Variants in MTRR observed in about 807,000 individuals in gnomAD.
The protein encoded by MTRR is 5-methyltetrahydrofolate-homocysteine methyltransferase reductase.
MTRR carries 63 observed loss-of-function variants against 79.2 expected under a neutral mutation model. That is an observed-to-expected ratio of 0.80 (90% CI 0.65 to 0.98). MTRR has a LOEUF of 0.98. MTRR is among the 50% of genes least tolerant of loss of function. MTRR has a pLI of 0.00. For synonymous variants in MTRR, 355 were observed against 313.3 expected (o/e 1.13, Z -1.41); for missense variants, 895 against 839.6 (o/e 1.07, Z -0.82).
upstream of MTRR, chr5:7,867,445 C>T: frequency 1.2e-6 from 2 of 1,614,182 alleles, no homozygotes. Context: ...TGCGAACTTC[C>T]ATGCCACCTT....
At chr5:7,890,669 C>G (rs1471913401) in intron 9 of MTRR, among the ~76,000 whole-genome samples, 1 of 152,094 alleles carries the variant, frequency 6.6e-6, no homozygotes, top group African/African-American at 2.4e-5. Context: ...GTTTAAAACT[C>G]TACGCCATTA....
chr5:7,895,946 TTTTA>T lies in MTRR; in HGVS notation c.1676+99_1676+102del, dbSNP rs1285680475. 4 of 1,490,774 alleles carry T rather than the reference TTTTA, an allele frequency of 2.7e-6. No homozygotes were observed. In the African/African-American group the frequency reaches 5.7e-5, roughly 21 times the overall value. 92.3% of individuals were successfully genotyped at this position (1,490,774 alleles called of 1,614,324 possible). A position where few individuals can be genotyped will look rare whatever the true frequency, so the allele number is the denominator to read the frequency against. On this transcript the variant is annotated intron_variant, in intron 12 of 14. Coordinates refer to ENST00000440940, the MANE Select transcript of MTRR (RefSeq NM_002454.3). ...TGAGGATAATTGGACTTTGTAAAAT[TTTTA>T]TTTAAAAAATTATTATTCAATGTGC...
At chr5:7,897,029 C>T in intron 13 of MTRR, 36 bp from the exon 14 acceptor site, 1 of 1,612,762 alleles carries the variant, frequency 6.2e-7, no homozygotes, top group Admixed American at 1.7e-5. Flanking sequence ...TTCAGCTTGA[C>T]AACCTTTTAG....
chr5:7,862,979 T>C (rs1746663961), intron 2 of MTRR: 1 of 1,613,766 alleles, frequency 6.2e-7, no homozygotes, highest in Non-Finnish European at 8.5e-7. Flanking sequence ...ACTTGATATT[T>C]AGGAAGGAGT....
intron 1 of MTRR, among the ~76,000 whole-genome samples, chr5:7,854,632 A>G (rs1421281284): frequency 6.6e-6 from 1 of 152,186 alleles, no homozygotes; most frequent in Non-Finnish European, 1.5e-5. Context: ...CATGAGACTT[A>G]TTCCCTACCA....
upstream of MTRR, among the ~76,000 whole-genome samples, chr5:7,866,222 C>T (rs1746935782): frequency 6.6e-6 from 1 of 151,030 alleles, no homozygotes; most frequent in Non-Finnish European, 1.5e-5. Flanking sequence ...AATATGTTCA[C>T]AGAATTAGTG....
At position 7,885,690 on chromosome 5, in the gene MTRR, CT is replaced by C. The variant is rs1467919139; in HGVS notation, c.904-10del. 10 of 1,582,848 alleles carry C rather than the reference CT, an allele frequency of 6.3e-6. 1 individual carries two copies. In the Admixed American group the frequency reaches 1.4e-4, roughly 23 times the overall value. On this transcript the variant is annotated splice_polypyrimidine_tract_variant and intron_variant, in intron 6 of 14. Coordinates refer to ENST00000440940, the MANE Select transcript of MTRR (RefSeq NM_002454.3). ...ATGTATTTTTTTTTTTTCATTTTGGCTCTTCTCTAGAATACAGACTTTTCCT... is the reference window on the plus strand; with the variant it reads ...ATGTATTTTTTTTTTTTCATTTTGGCCTTCTCTAGAATACAGACTTTTCCT...
chr5:7,874,494 C>A (rs982323672), intron 3 of MTRR, among the ~76,000 whole-genome samples: 2 of 150,636 alleles, frequency 1.3e-5, no homozygotes, highest in African/African-American at 4.9e-5. Context: ...TCCCACTGTT[C>A]GAGTCAATGT....
intron 2 of MTRR, chr5:7,862,958 G>A (rs2126598388): frequency 1.2e-6 from 2 of 1,613,932 alleles, no homozygotes; most frequent in Non-Finnish European, 1.7e-6. Context: ...CATGGGGTAA[G>A]AAATGACTTC....
rs543357540 is a variant in MTRR, at chr5:7,878,760, A to G, written c.780+438A>G. On this transcript the variant is annotated intron_variant, in intron 5 of 14. Transcript: ENST00000440940. Reference sequence around the variant, plus strand: ...GAGTTGTGTGGGCAGTGAGTTGAGTATCACATTGCATAATAGCTAATTTCT... The same window carrying G: ...GAGTTGTGTGGGCAGTGAGTTGAGTGTCACATTGCATAATAGCTAATTTCT... 2.1e-4 allele frequency among the ~76,000 whole-genome samples: 32 copies of G among 152,380 alleles called. 1 individual carries two copies. Among genetic ancestry groups the G allele is most frequent in the Admixed American group, 2.0e-3 (31 of 15,306 alleles).
chr5:7,857,301 C>A (rs1746275970), intron 1 of MTRR, among the ~76,000 whole-genome samples: 1 of 152,108 alleles, frequency 6.6e-6, no homozygotes, highest in Non-Finnish European at 1.5e-5. Context: ...TATAGACATA[C>A]CAATGAATTC....
At chr5:7,867,513 C>T, upstream of MTRR, 1 of 1,614,256 alleles carries the variant, frequency 6.2e-7, no homozygotes, top group South Asian at 1.1e-5. Flanking sequence ...CTTTGAGGAT[C>T]CACATGCAAC....
intron 3 of MTRR, 106 bp from the exon 4 acceptor site, chr5:7,875,152 C>A: frequency 1.2e-6 from 1 of 822,134 alleles, no homozygotes; most frequent in Non-Finnish European, 2.1e-6. Flanking sequence ...ATTACTCCAT[C>A]CATAAGAGCA....
chr5:7,868,718 G>C (rs550907750), upstream of MTRR, among the ~76,000 whole-genome samples: 5 of 152,318 alleles, frequency 3.3e-5, no homozygotes, highest in South Asian at 1.0e-3. Flanking sequence ...TCAATGAAGG[G>C]AGAAGGTGGG....
intron 5 of MTRR, among the ~76,000 whole-genome samples, chr5:7,881,740 C>G (rs985955430): frequency 6.6e-6 from 1 of 152,038 alleles, no homozygotes; most frequent in Non-Finnish European, 1.5e-5. Flanking sequence ...GTGATTTGTC[C>G]TTTAAGCTTT....
intron 9 of MTRR, among the ~76,000 whole-genome samples, chr5:7,890,814 AC>A (rs1203856937): frequency 6.6e-6 from 1 of 152,256 alleles, no homozygotes; most frequent in Non-Finnish European, 1.5e-5. Context: ...TTGAAAGAAT[AC>A]CTACGTATTT....
chr5:7,899,518 G>A (rs902857556), intron 14 of MTRR, among the ~76,000 whole-genome samples: 12 of 152,198 alleles, frequency 7.9e-5, no homozygotes, highest in African/African-American at 1.9e-4. Flanking sequence ...AGAAGTGTGC[G>A]AGAGATCTGG....
chr5:7,898,003 A>G (rs1387492292), intron 14 of MTRR, among the ~76,000 whole-genome samples: 1 of 152,194 alleles, frequency 6.6e-6, no homozygotes, highest in African/African-American at 2.4e-5. Context: ...AACAAGTTTC[A>G]TGAAACAAAG....
At chr5:7,883,125 A>G (rs1315031481) in intron 5 of MTRR, 30 bp from the exon 6 acceptor site, 4 of 1,613,992 alleles carry the variant, frequency 2.5e-6, no homozygotes, top group Non-Finnish European at 2.5e-6. Context: ...TGAAAATTGC[A>G]CTTACGTTTT....
Sources: gnomAD v4.1 joint callset for allele counts (sites outside exome capture counted in the v4.1 genomes callset) on GRCh38, gnomAD v4.1.1 for gene constraint, MANE v1.5 for transcripts, NCBI Gene and HGNC (gene_info 2026-07-23, HGNC 2026-07-21) for gene names.